Variants in LAMC3 observed in about 807,000 individuals in gnomAD.
LAMC3 encodes laminin subunit gamma 3.
LAMC3 carries 128 observed loss-of-function variants against 173.8 expected under a neutral mutation model. The observed-to-expected ratio is 0.74, with a 90% confidence interval of 0.64 to 0.85. LAMC3 has a LOEUF of 0.85. Ranked by LOEUF, LAMC3 falls within the 40% of genes least tolerant of loss-of-function variation. LAMC3 has a pLI of 0.00. For missense variants in LAMC3, 2,022 were observed against 2,156.0 expected, an observed-to-expected ratio of 0.94 and a Z score of 1.23; for synonymous variants, 897 against 909.1, an observed-to-expected ratio of 0.99 and a Z score of 0.24.
intron 8 of LAMC3, among the ~76,000 whole-genome samples, chr9:131,046,396 G>C (rs1834160038): frequency 6.7e-6 from 1 of 150,362 alleles, no homozygotes; most frequent in Non-Finnish European, 1.5e-5. Flanking sequence ...TAAAGACAGG[G>C]TTTTGCCATG....
chr9:131,065,775 TTGA>T (rs879749391), intron 13 of LAMC3, among the ~76,000 whole-genome samples: 5 of 151,604 alleles, frequency 3.3e-5, no homozygotes, highest in East Asian at 1.9e-4. Flanking sequence ...GAAGGTGATG[TTGA>T]TGAAGATAAT....
intron 13 of LAMC3, among the ~76,000 whole-genome samples, chr9:131,064,342 T>C (rs1053511980): frequency 1.3e-5 from 2 of 152,080 alleles, no homozygotes; most frequent in African/African-American, 4.8e-5. Flanking sequence ...AGTAACTTCA[T>C]AAAAAATAAA....
At chr9:131,032,657 T>G (rs1475876265) in intron 3 of LAMC3, among the ~76,000 whole-genome samples, 2 of 137,168 alleles carry the variant, frequency 1.5e-5, no homozygotes, top group East Asian at 2.3e-4. Flanking sequence ...TCACTCACTC[T>G]CTCTCACTCT....
In LAMC3 at chr9:131,052,635, C is replaced by G; in HGVS notation, c.1775C>G (p.Ser592Cys). 1 of 1,613,976 alleles carries G rather than the reference C, an allele frequency of 6.2e-7. No individual in the cohort carries two copies. Among genetic ancestry groups the G allele is most frequent in the Non-Finnish European group, 8.5e-7 (1 of 1,179,968 alleles). The change falls in exon 10 of 28, where the codon TCT becomes TGT. Residue 592 changes from serine to cysteine, a missense_variant. Coordinates refer to ENST00000361069, the MANE Select transcript of LAMC3 (RefSeq NM_006059.4). ...CTGTCCCTGAGGCACTCTAGCCTGT[C>G]TGGCCCCCAGGATGCCGGGCATCCC... is the stretch of plus-strand genomic sequence containing the variant. ...LALSLRHSSL[S>C]GPQDAGHPRE...
chr9:131,028,745 C>T (rs1833774333), intron 2 of LAMC3, among the ~76,000 whole-genome samples: 1 of 152,236 alleles, frequency 6.6e-6, no homozygotes, highest in Admixed American at 6.5e-5. Context: ...AGTGGAGTCA[C>T]ACGCACAGCA....
At chr9:131,039,369 A>C in intron 6 of LAMC3, 121 bp downstream of exon 6, 1 of 836,542 alleles carries the variant, frequency 1.2e-6, no homozygotes, top group Non-Finnish European at 2.0e-6. Context: ...CCTCGCCCTA[A>C]TCCTGGTGAA....
At position 131,056,960 on chromosome 9, in the gene LAMC3, A is replaced by G; in HGVS notation, c.1971A>G (p.Thr657=). ...TGTTCCTGACTGAGGTCCGGCTCAC[A>G]TCCGCCCGGCCAGGGCTTTCCCCGC... is the stretch of plus-strand genomic sequence containing the variant. ...GPVFLTEVRL[T]SARPGLSPPA... is the part of the protein sequence containing the mutation. Residue 657 remains threonine (T), a synonymous_variant, in exon 12 of 28, where the codon ACA becomes ACG. Coordinates refer to ENST00000361069, the MANE Select transcript of LAMC3 (RefSeq NM_006059.4). 1.9e-6 allele frequency: 3 copies of G among 1,613,616 alleles called. No individual in the cohort carries two copies. The highest frequency in any genetic ancestry group is 1.7e-6 in the Non-Finnish European group (2 of 1,180,020).
intron 16 of LAMC3, 38 bp from the exon 17 acceptor site, chr9:131,069,634 C>A (rs772750521): frequency 2.5e-6 from 4 of 1,578,858 alleles, no homozygotes; most frequent in South Asian, 1.2e-5. Context: ...GCCCCTGGCC[C>A]CTCTAAACCC....
chr9:131,010,961 C>G (rs969422584), intron 1 of LAMC3, among the ~76,000 whole-genome samples: 7 of 152,208 alleles, frequency 4.6e-5, no homozygotes, highest in African/African-American at 1.7e-4. Context: ...ACTGCCCTTT[C>G]AGGAGGGGCT....
chr9:131,082,324 C>A (rs1049599459), intron 24 of LAMC3, among the ~76,000 whole-genome samples, 163 bp downstream of exon 24: 6 of 152,338 alleles, frequency 3.9e-5, no homozygotes, highest in African/African-American at 1.4e-4. Context: ...GATCCTGCCC[C>A]ATCTCATACA....
chr9:131,052,443 C>G, intron 9 of LAMC3, 48 bp from the exon 10 acceptor site: 1 of 1,481,714 alleles, frequency 6.7e-7, no homozygotes, highest in South Asian at 1.1e-5. Flanking sequence ...CATTTAAAAT[C>G]AAGCTAACCA....
In LAMC3 at chr9:131,075,928, A is replaced by C. The variant is rs892292177; in HGVS notation, c.3592A>C (p.Arg1198=). 1 of 1,610,754 alleles carries C rather than the reference A, an allele frequency of 6.2e-7. No individual in the cohort carries two copies. Among genetic ancestry groups the C allele is most frequent in the Admixed American group, 1.7e-5 (1 of 59,892 alleles). ...GCTTCTCTGGAATCTGCTGGAGGGA[A>C]GGGTGGCCCTAGAGACCCAGCGGGA... is the stretch of plus-strand genomic sequence containing the variant. ...YALLWNLLEG[R]VALETQRDLE... Residue 1198 remains arginine (R), a synonymous_variant, in exon 21 of 28, where the codon AGG becomes CGG. Transcript: ENST00000361069.
At chr9:131,091,089 G>T (rs1326898850) in intron 27 of LAMC3, among the ~76,000 whole-genome samples, 1 of 152,226 alleles carries the variant, frequency 6.6e-6, no homozygotes, top group Non-Finnish European at 1.5e-5. Flanking sequence ...GGTGGTGTGG[G>T]CCTGTGGTTT....
rs190940137 is a variant in LAMC3, at chr9:131,091,496, G to C, written c.4478-41G>C. On this transcript the variant is annotated intron_variant, in intron 27 of 27. Coordinates refer to ENST00000361069, the MANE Select transcript of LAMC3 (RefSeq NM_006059.4). ...CTGGGAGGTGCCCTGGGGCCTGCAG[G>C]GCTGCTGGCTCACAGTGAGGCTGTT... The C allele has an allele frequency of 1.2e-3, 1,832 of 1,557,362 alleles. 48 individuals are homozygous for C. In the Admixed American group the frequency reaches 0.031, roughly 27 times the overall value.
At chr9:131,083,262 G>A (rs1016874892) in intron 24 of LAMC3, among the ~76,000 whole-genome samples, 1 of 152,140 alleles carries the variant, frequency 6.6e-6, no homozygotes, top group Non-Finnish European at 1.5e-5. Context: ...GTCGGGTTCT[G>A]AGAATGAGAA....
intron 1 of LAMC3, among the ~76,000 whole-genome samples, chr9:131,023,763 C>G (rs1179519731): frequency 6.6e-6 from 1 of 152,082 alleles, no homozygotes; most frequent in Non-Finnish European, 1.5e-5. Context: ...CCACCATGCT[C>G]AGCTCATTTT....
Position 131,077,209 on chromosome 9 carries a change from C to T in LAMC3, c.3652C>T (p.Gln1218Ter). 1 of 1,613,848 alleles carries T rather than the reference C, an allele frequency of 6.2e-7. No homozygotes were observed. The highest frequency in any genetic ancestry group is 2.2e-5 in the East Asian group (1 of 44,876). The change falls in exon 22 of 28, where the codon CAG becomes TAG. Residue 1218 changes from glutamine to a stop codon, truncating the protein, a stop_gained. Transcript: ENST00000361069. LOFTEE classifies it high-confidence loss of function. ...CAGGTACCAGGAGGTCCAGGCGGCC[C>T]AGAAAGCACTGAGGACGGCTGTGGC... Reference protein sequence around the residue: ...EDRYQEVQAAQKALRTAVAEV... With the variant: ...EDRYQEVQAA
intron 21 of LAMC3, among the ~76,000 whole-genome samples, 195 bp downstream of exon 21, chr9:131,076,160 C>T (rs1353078034): frequency 1.3e-5 from 2 of 152,050 alleles, no homozygotes; most frequent in Admixed American, 1.3e-4. Context: ...GTCGCAGTAA[C>T]CCACTTTTGC....
intron 2 of LAMC3, among the ~76,000 whole-genome samples, chr9:131,030,353 T>C (rs957008076): frequency 6.6e-6 from 1 of 152,214 alleles, no homozygotes; most frequent in Non-Finnish European, 1.5e-5. Flanking sequence ...TTTGTGGTCA[T>C]TGTCCTTGCA....
Sources: gnomAD v4.1 joint callset for allele counts (sites outside exome capture counted in the v4.1 genomes callset) on GRCh38, gnomAD v4.1.1 for gene constraint, MANE v1.5 for transcripts, NCBI Gene and HGNC (gene_info 2026-07-23, HGNC 2026-07-21) for gene names.